DPM1: variants seen among roughly 807,000 people sequenced by gnomAD.
DPM1 encodes dolichyl-phosphate mannosyltransferase subunit 1, catalytic.
DPM1 carries 27 observed loss-of-function variants against 39.0 expected under a neutral mutation model. That is an observed-to-expected ratio of 0.69 (90% CI 0.51 to 0.95). The LOEUF is 0.95. Among genes scored for constraint, DPM1 ranks in the 40% least tolerant of loss-of-function variants. The probability of loss-of-function intolerance (pLI) is 0.00; values close to 1 mark genes in which losing one functional copy is unlikely to be tolerated. For synonymous variants in DPM1, 124 were observed against 109.0 expected (o/e 1.14, Z -0.86); for missense variants, 307 against 315.6 (o/e 0.97, Z 0.21).
chr20:50,945,868 CATA>C lies in DPM1; in HGVS notation c.348_350del (p.Ile116del), dbSNP rs1361554435. 1 of 1,613,552 alleles carries C rather than the reference CATA, an allele frequency of 6.2e-7. No homozygotes were observed. The highest frequency in any genetic ancestry group is 1.1e-5 in the South Asian group (1 of 91,068). Reference sequence around the variant, plus strand: ...TTACATGGTGTGAGAGATCAGCATCCATAATAATGATGTAGTTTCCTGTGGCAT... The same window carrying C: ...TTACATGGTGTGAGAGATCAGCATCCATAATGATGTAGTTTCCTGTGGCAT... On this transcript the variant is annotated inframe_deletion, in exon 4 of 9. Coordinates refer to ENST00000371588, the MANE Select transcript of DPM1 (RefSeq NM_003859.3).
intron 3 of DPM1, among the ~76,000 whole-genome samples, chr20:50,947,750 T>TC (rs1337893312): frequency 6.6e-6 from 1 of 152,046 alleles, no homozygotes; most frequent in Non-Finnish European, 1.5e-5. Context: ...TGCCTCAGCC[T>TC]CCCGAGTAGC....
At chr20:50,958,268 G>GCTGGA in intron 1 of DPM1, 95 bp downstream of exon 1, 1 of 1,524,616 alleles carries the variant, frequency 6.6e-7, no homozygotes, top group Non-Finnish European at 8.9e-7. Context: ...GGCAAAGAAG[G>GCTGGA]CTGGACAGGG....
intron 2 of DPM1, among the ~76,000 whole-genome samples, chr20:50,952,400 T>C (rs1014494778): frequency 6.6e-6 from 1 of 152,232 alleles, no homozygotes; most frequent in African/African-American, 2.4e-5. Context: ...TTAAGGATTT[T>C]TGAGGGTCAT....
At position 50,935,072 on chromosome 20, in the gene DPM1, A is replaced by G. The variant is rs1985030082; in HGVS notation, c.*60T>C. The G allele has an allele frequency of 5.1e-6, 5 of 986,144 alleles. No homozygotes were observed. Among genetic ancestry groups the G allele is most frequent in the Middle Eastern group, 3.2e-4 (1 of 3,174 alleles). The allele number at this position is 986,144 out of a possible 1,614,324, so 61.1% of individuals were successfully genotyped here. ...AAGAGTACATTTTATACAAATCAGT[A>G]ACCAGGCTTCTTTCATGTTTAACCT... On this transcript the variant is annotated 3_prime_UTR_variant, in exon 9 of 9. Transcript: ENST00000371588.
At chr20:50,944,019 C>T (rs1006107988) in intron 5 of DPM1, among the ~76,000 whole-genome samples, 9 of 152,168 alleles carry the variant, frequency 5.9e-5, no homozygotes, top group Non-Finnish European at 1.3e-4. Context: ...GGATTACAGG[C>T]GTGAGCCACT....
chr20:50,957,009 AT>A (rs1217604877), intron 1 of DPM1, among the ~76,000 whole-genome samples: 1 of 152,256 alleles, frequency 6.6e-6, no homozygotes, highest in Non-Finnish European at 1.5e-5. Context: ...ACATAAAAAA[AT>A]TAAAACAGCA....
At chr20:50,947,881 C>T (rs1986379209) in intron 3 of DPM1, among the ~76,000 whole-genome samples, 1 of 152,172 alleles carries the variant, frequency 6.6e-6, no homozygotes. Flanking sequence ...CCCACCTCGG[C>T]CTCCCAAAGT....
intron 7 of DPM1, among the ~76,000 whole-genome samples, chr20:50,940,175 CA>C (rs368761448): frequency 6.6e-5 from 10 of 150,812 alleles, no homozygotes; most frequent in African/African-American, 2.5e-4. Context: ...GCAAAGGACC[CA>C]AGAATCAACA....
chr20:50,941,239 T>C (rs1985721401), intron 6 of DPM1: 1 of 157,082 alleles, frequency 6.4e-6, no homozygotes, highest in Non-Finnish European at 1.2e-5. Flanking sequence ...TATATATATA[T>C]ATATATATAT....
At chr20:50,935,314 C>T in intron 8 of DPM1, 78 bp from the exon 9 acceptor site, 1 of 868,370 alleles carries the variant, frequency 1.2e-6, no homozygotes, top group South Asian at 1.4e-5. Context: ...ATTACCAACA[C>T]AACAGAAATA....
chr20:50,951,014 A>G (rs1986547112), intron 2 of DPM1, among the ~76,000 whole-genome samples: 1 of 152,226 alleles, frequency 6.6e-6, no homozygotes, highest in South Asian at 2.1e-4. Flanking sequence ...TTTCTTATAC[A>G]TACACACCTA....
chr20:50,936,932 A>G (rs999107833), intron 7 of DPM1, among the ~76,000 whole-genome samples: 4 of 152,238 alleles, frequency 2.6e-5, no homozygotes, highest in Non-Finnish European at 5.9e-5. Flanking sequence ...GATGGACTGC[A>G]GGCCAAACAC....
At chr20:50,942,007 A>ATT (rs1568763824) in intron 6 of DPM1, 24 bp downstream of exon 6, 3 of 1,568,338 alleles carry the variant, frequency 1.9e-6, no homozygotes, top group African/African-American at 1.4e-5. Flanking sequence ...ATACTAATAA[A>ATT]GAAGTTGTAA....
chr20:50,938,407 A>T (rs934179798), intron 7 of DPM1, among the ~76,000 whole-genome samples: 1 of 149,980 alleles, frequency 6.7e-6, no homozygotes, highest in African/African-American at 2.5e-5. Context: ...TTTTTTTGAG[A>T]CAGAGTCTCA....
chr20:50,957,620 C>T (rs1477779962), intron 1 of DPM1, among the ~76,000 whole-genome samples: 4 of 152,186 alleles, frequency 2.6e-5, no homozygotes, highest in Non-Finnish European at 5.9e-5. Context: ...AAATAAATAA[C>T]ACAGCCATAT....
chr20:50,940,070 A>G (rs1002342686), intron 7 of DPM1, among the ~76,000 whole-genome samples: 21 of 149,406 alleles, frequency 1.4e-4, no homozygotes, highest in African/African-American at 5.0e-4. Flanking sequence ...TTGACTGTCA[A>G]CAGCCAGGTC....
Position 50,940,328 on chromosome 20 carries a change from T to C in DPM1, c.563+537A>G, listed in dbSNP as rs1248028317. Among the ~76,000 whole-genome samples, 4 of 151,800 alleles carry C rather than the reference T, an allele frequency of 2.6e-5. 1 individual carries two copies. Among genetic ancestry groups the C allele is most frequent in the Admixed American group, 2.6e-4 (4 of 15,230 alleles). On this transcript the variant is annotated intron_variant, in intron 7 of 8. Transcript: ENST00000371588. ...ATCTGGCAAGTTTTGTCATTTGCCA[T>C]GGTCAGTCACACAAAGCAGCTCACA...
chr20:50,937,655 C>G lies in DPM1; in HGVS notation c.564-1393G>C, dbSNP rs570569473. On this transcript the variant is annotated intron_variant, in intron 7 of 8. Coordinates refer to ENST00000371588, the MANE Select transcript of DPM1 (RefSeq NM_003859.3). ...AGGTCTCACTCTGTTGCCCAGAGTA[C>G]AGTGGCACAACCATGGCTCACTGCA... 2.0e-5 allele frequency among the ~76,000 whole-genome samples: 3 copies of G among 152,076 alleles called. No individual in the cohort carries two copies. In the South Asian group the frequency reaches 6.2e-4, roughly 32 times the overall value.
At chr20:50,952,737 T>G (rs1184228995) in intron 2 of DPM1, among the ~76,000 whole-genome samples, 1 of 152,228 alleles carries the variant, frequency 6.6e-6, no homozygotes, top group East Asian at 1.9e-4. Context: ...TATTTTCAAG[T>G]AGTCAAACCT....
Sources: allele counts gnomAD v4.1 joint callset (sites outside exome capture counted in the v4.1 genomes callset), GRCh38; gene constraint gnomAD v4.1.1; transcripts MANE v1.5; gene names NCBI Gene and HGNC (gene_info 2026-07-23, HGNC 2026-07-21).